The following TAFA4 variants were observed in gnomAD, a reference collection of about 807,000 sequenced individuals.
TAFA4 encodes the protein chemokine-like protein TAFA-4.
A neutral mutation model predicts 21.1 loss-of-function variants in TAFA4; 20 were observed. The ratio of observed to expected loss-of-function variants is 0.95; its 90% CI spans 0.67 to 1.38. TAFA4 has a LOEUF of 1.38. Among genes scored for constraint, TAFA4 ranks in the 40% most tolerant of loss-of-function variants. TAFA4 has a pLI of 0.00. For missense variants in TAFA4, 211 were observed against 180.9 expected (o/e 1.17, Z -0.95); for synonymous variants, 71 against 67.4 (o/e 1.05, Z -0.26).
chr3:68,785,452 C>T (rs1703234253), intron 3 of TAFA4, among the ~76,000 whole-genome samples: 1 of 152,244 alleles, frequency 6.6e-6, no homozygotes, highest in Admixed American at 6.5e-5. Context: ...GGGTCCCAAG[C>T]CCTGCCCCGC....
In TAFA4 at chr3:68,733,049, A is replaced by T. The variant is rs1702177429; in HGVS notation, c.*93T>A. The T allele has an allele frequency of 9.0e-6, 14 of 1,559,106 alleles. No individual in the cohort carries two copies. Among genetic ancestry groups the T allele is most frequent in the Non-Finnish European group, 1.2e-5 (14 of 1,139,450 alleles). On this transcript the variant is annotated 3_prime_UTR_variant, in exon 6 of 6. Transcript: ENST00000295569. ...AAATATGAAGTTGCTGAAATCCTAG[A>T]CAATTTTCTGCAAAGGGGCCATGAT...
Position 68,876,940 on chromosome 3 carries a change from T to C in TAFA4, c.130+3790A>G, listed in dbSNP as rs140268168. On this transcript the variant is annotated intron_variant, in intron 3 of 5. Coordinates refer to ENST00000295569, the MANE Select transcript of TAFA4 (RefSeq NM_182522.5). ...CGTGAGACTTATTTTTTATTATTTTTATTATTCTCATTTTACATAGAAAGA... is the reference window on the plus strand; with the variant it reads ...CGTGAGACTTATTTTTTATTATTTTCATTATTCTCATTTTACATAGAAAGA... Among the ~76,000 whole-genome samples the C allele has an allele frequency of 3.6e-3, 552 of 152,282 alleles. 3 individuals carry two copies. Among genetic ancestry groups the C allele is most frequent in the African/African-American group, 0.013 (536 of 41,558 alleles).
At chr3:68,863,542 G>A (rs184984353) in intron 3 of TAFA4, among the ~76,000 whole-genome samples, 28 of 152,220 alleles carry the variant, frequency 1.8e-4, no homozygotes, top group Admixed American at 6.5e-4. Context: ...TCTATAGGCT[G>A]TGAACTTAAA....
At chr3:68,808,019 T>C (rs984555765) in intron 3 of TAFA4, among the ~76,000 whole-genome samples, 1 of 152,148 alleles carries the variant, frequency 6.6e-6, no homozygotes, top group African/African-American at 2.4e-5. Context: ...TTAACATATG[T>C]ATATAGATTA....
chr3:68,843,659 T>C (rs943413357), intron 3 of TAFA4, among the ~76,000 whole-genome samples: 12 of 152,256 alleles, frequency 7.9e-5, no homozygotes, highest in African/African-American at 2.9e-4. Context: ...GGGTCTGTCA[T>C]AAATAGCTCT....
chr3:68,861,623 G>A (rs1423157780), intron 3 of TAFA4, among the ~76,000 whole-genome samples: 2 of 152,058 alleles, frequency 1.3e-5, no homozygotes, highest in Non-Finnish European at 2.9e-5. Flanking sequence ...AGAGGACACA[G>A]AGAAAGGACG....
intron 1 of TAFA4, among the ~76,000 whole-genome samples, chr3:68,911,081 GC>G: frequency 6.6e-6 from 1 of 152,248 alleles, no homozygotes; most frequent in South Asian, 2.1e-4. Flanking sequence ...AATAACTGTA[GC>G]CCCAAAACAT....
chr3:68,914,119 G>A (rs73835362), intron 1 of TAFA4, among the ~76,000 whole-genome samples: 6,113 of 152,030 alleles, frequency 0.04, 417 homozygotes, highest in African/African-American at 0.14. Context: ...CCAAAACCTA[G>A]GTGAAAAAAA....
At chr3:68,757,867 A>G (rs956693440) in intron 3 of TAFA4, among the ~76,000 whole-genome samples, 4 of 152,196 alleles carry the variant, frequency 2.6e-5, no homozygotes, top group Non-Finnish European at 2.9e-5. Context: ...ATAGTGTTGT[A>G]TCTCACAACT....
intron 3 of TAFA4, among the ~76,000 whole-genome samples, chr3:68,859,966 C>G (rs555260547): frequency 6.6e-6 from 1 of 152,200 alleles, no homozygotes; most frequent in African/African-American, 2.4e-5. Context: ...CTCCATTGTA[C>G]CTGAGATTTT....
chr3:68,885,739 G>C (rs2089665973), intron 1 of TAFA4, among the ~76,000 whole-genome samples: 1 of 152,138 alleles, frequency 6.6e-6, no homozygotes, highest in Admixed American at 6.5e-5. Flanking sequence ...CTGAATTCCT[G>C]GATTTGTGTG....
chr3:68,920,330 A>G (rs1247920668), intron 1 of TAFA4, among the ~76,000 whole-genome samples: 1 of 152,260 alleles, frequency 6.6e-6, no homozygotes, highest in Admixed American at 6.5e-5. Context: ...CATAACTAAC[A>G]TAAATAGCAA....
chr3:68,791,812 C>A (rs77764268), intron 3 of TAFA4, among the ~76,000 whole-genome samples: 5,943 of 152,258 alleles, frequency 0.039, 400 homozygotes, highest in African/African-American at 0.14. Flanking sequence ...GGAGCAGCAG[C>A]TTTTCAGCTC....
intron 1 of TAFA4, among the ~76,000 whole-genome samples, chr3:68,891,059 G>A (rs1411790073): frequency 1.3e-5 from 2 of 152,110 alleles, no homozygotes; most frequent in Non-Finnish European, 2.9e-5. Flanking sequence ...CAGCTTGAGG[G>A]CCTTCACCAC....
intron 3 of TAFA4, among the ~76,000 whole-genome samples, chr3:68,828,595 C>A (rs11920852): frequency 0.11 from 16,907 of 152,192 alleles, 1,138 homozygotes; most frequent in African/African-American, 0.19. Flanking sequence ...TCCTTCACAT[C>A]CCTTGTAATT....
In TAFA4 at chr3:68,732,975, G is replaced by A; in HGVS notation, c.*167C>T. On this transcript the variant is annotated 3_prime_UTR_variant, in exon 6 of 6. Transcript: ENST00000295569. Reference sequence around the variant, plus strand: ...CAATGAAATAAAATCACGAAGCAGAGAGGGCTGGGCCAGTTAAGTGAATGC... The same window carrying A: ...CAATGAAATAAAATCACGAAGCAGAAAGGGCTGGGCCAGTTAAGTGAATGC... The A allele has an allele frequency of 2.8e-6, 2 of 724,788 alleles. No individual in the cohort carries two copies. The highest frequency in any genetic ancestry group is 4.4e-6 in the Non-Finnish European group (2 of 450,100). 44.9% of individuals were successfully genotyped at this position (724,788 alleles called of 1,614,324 possible). A position where few individuals can be genotyped will look rare whatever the true frequency, so the allele number is the denominator to read the frequency against.
In TAFA4 at chr3:68,785,685, G is replaced by A. The variant is rs897400626; in HGVS notation, c.131-32667C>T. ...CCAGCAAGCTGAGGGAGACGGCTCCGGCCTTGGCCAGTCCAGAAAGGGACT... is the reference window on the plus strand; with the variant it reads ...CCAGCAAGCTGAGGGAGACGGCTCCAGCCTTGGCCAGTCCAGAAAGGGACT... On this transcript the variant is annotated intron_variant, in intron 3 of 5. Coordinates refer to ENST00000295569, the MANE Select transcript of TAFA4 (RefSeq NM_182522.5). 5.3e-5 allele frequency among the ~76,000 whole-genome samples: 8 copies of A among 152,212 alleles called. No homozygotes were observed. The East Asian group carries it at 7.7e-4, about 15-fold the overall frequency.
intron 3 of TAFA4, among the ~76,000 whole-genome samples, chr3:68,827,737 T>A (rs1704285833): frequency 6.6e-6 from 1 of 151,814 alleles, no homozygotes; most frequent in Non-Finnish European, 1.5e-5. Context: ...GGGGTTGTTT[T>A]TTTCTTTTAA....
chr3:68,897,858 GGTTACCTCA>G (rs564284065), intron 1 of TAFA4, among the ~76,000 whole-genome samples: 466 of 143,090 alleles, frequency 3.3e-3, no homozygotes, highest in Non-Finnish European at 5.0e-3. Context: ...CCCTTGACAT[GGTTACCTCA>G]GGTGAAAGCA....
Sources: allele counts gnomAD v4.1 joint callset (sites outside exome capture counted in the v4.1 genomes callset), GRCh38; gene constraint gnomAD v4.1.1; transcripts MANE v1.5; gene names NCBI Gene and HGNC (gene_info 2026-07-23, HGNC 2026-07-21).